The following LYN variants were observed in gnomAD, a reference collection of about 807,000 sequenced individuals.
LYN encodes LYN proto-oncogene, Src family tyrosine kinase.
Under a neutral mutation model 65.0 loss-of-function variants are expected in LYN, and 12 were observed. The ratio of observed to expected loss-of-function variants is 0.18; its 90% CI spans 0.12 to 0.30. The LOEUF (loss-of-function observed/expected upper bound fraction) is 0.30. Ranked by LOEUF, LYN falls within the 10% of genes least tolerant of loss-of-function variation. The probability of loss-of-function intolerance (pLI) is 1.00; values close to 1 mark genes in which losing one functional copy is unlikely to be tolerated. For missense variants in LYN, 380 were observed against 623.2 expected, an observed-to-expected ratio of 0.61 and a Z score of 4.16; for synonymous variants, 222 against 221.2, an observed-to-expected ratio of 1.00 and a Z score of -0.03.
chr8:55,925,645 G>T (rs932216221), intron 1 of LYN, among the ~76,000 whole-genome samples: 2 of 152,078 alleles, frequency 1.3e-5, no homozygotes, highest in Non-Finnish European at 2.9e-5. Flanking sequence ...TTTTTCATGG[G>T]TGAGGAAGCA....
intron 10 of LYN, among the ~76,000 whole-genome samples, chr8:55,978,773 T>C (rs1334244990): frequency 6.6e-6 from 1 of 152,118 alleles, no homozygotes; most frequent in Non-Finnish European, 1.5e-5. Flanking sequence ...CCACGGGACT[T>C]TGCGACAGGG....
intron 10 of LYN, among the ~76,000 whole-genome samples, chr8:55,970,937 G>A (rs1197359402): frequency 6.6e-6 from 1 of 152,222 alleles, no homozygotes; most frequent in Non-Finnish European, 1.5e-5. Flanking sequence ...AGACACAGAT[G>A]TTGTTGTGTC....
intron 1 of LYN, among the ~76,000 whole-genome samples, chr8:55,939,534 G>C (rs538336496): frequency 1.8e-4 from 28 of 151,802 alleles, no homozygotes; most frequent in African/African-American, 2.9e-4. Flanking sequence ...GAACGCAGTG[G>C]GGGGGGGACA....
rs1805695820 is a variant in LYN, at chr8:55,913,357, AAAT to A, written c.-5-28496_-5-28494del. On this transcript the variant is annotated intron_variant, in intron 1 of 12. Transcript: ENST00000519728. ...TACCTATATTGTTTGCTACAAATGC[AAAT>A]ATCCACAGCCTCCTTGTAAAGTCTC... is the stretch of plus-strand genomic sequence containing the variant. Among the ~76,000 whole-genome samples the A allele has an allele frequency of 2.0e-5, 3 of 152,230 alleles. No homozygotes were observed. In the South Asian group the frequency reaches 6.2e-4, roughly 32 times the overall value.
chr8:55,942,460 C>T (rs1425544350), intron 2 of LYN, among the ~76,000 whole-genome samples: 5 of 144,052 alleles, frequency 3.5e-5, no homozygotes, highest in East Asian at 2.0e-4. Flanking sequence ...TATATATATA[C>T]ACACATACAT....
intron 1 of LYN, among the ~76,000 whole-genome samples, chr8:55,933,357 T>C (rs1256746304): frequency 2.0e-5 from 3 of 152,212 alleles, no homozygotes; most frequent in Admixed American, 2.0e-4. Flanking sequence ...ATTTAACCAG[T>C]GACCTATAAT....
At chr8:55,957,190 T>TTA (rs79265928) in intron 8 of LYN, among the ~76,000 whole-genome samples, 49,532 of 151,924 alleles carry the variant, frequency 0.33, 8,441 homozygotes, top group African/African-American at 0.44. Flanking sequence ...AACTCCAATC[T>TTA]TCAGTTGTTC....
chr8:55,903,008 C>G, intron 1 of LYN, among the ~76,000 whole-genome samples: 1 of 152,094 alleles, frequency 6.6e-6, no homozygotes, highest in East Asian at 1.9e-4. Context: ...GCCACCACAC[C>G]CAGCTAATTT....
rs548951262 is a variant in LYN, at chr8:55,951,997, C to T, written c.519C>T (p.Asp173=). 3.1e-6 allele frequency: 5 copies of T among 1,611,470 alleles called. No homozygotes were observed. The highest frequency in any genetic ancestry group is 4.5e-5 in the East Asian group (2 of 44,826). Residue 173 remains aspartate, a synonymous_variant, in exon 7 of 13, where the codon GAC becomes GAT. Transcript: ENST00000519728. ...GSFSLSVRDF[D]PVHGDVIKHY... ...TCTCTCTGTCTGTCAGAGACTTTGACCCTGTGCATGGTGATGTTATTAAGC... is the reference window on the plus strand; with the variant it reads ...TCTCTCTGTCTGTCAGAGACTTTGATCCTGTGCATGGTGATGTTATTAAGC...
intron 1 of LYN, among the ~76,000 whole-genome samples, chr8:55,910,432 A>G (rs1805566290): frequency 6.6e-6 from 1 of 151,976 alleles, no homozygotes; most frequent in African/African-American, 2.4e-5. Context: ...GTTTTTGTTG[A>G]CTTTGTCAAA....
At chr8:55,938,337 G>A (rs769322434) in intron 1 of LYN, among the ~76,000 whole-genome samples, 4 of 152,154 alleles carry the variant, frequency 2.6e-5, no homozygotes, top group Non-Finnish European at 5.9e-5. Flanking sequence ...AATTCTCTAC[G>A]CATAAAATAT....
intron 1 of LYN, among the ~76,000 whole-genome samples, chr8:55,939,589 C>T (rs1350506562): frequency 6.6e-6 from 1 of 152,128 alleles, no homozygotes; most frequent in African/African-American, 2.4e-5. Context: ...AGTCAGGGCT[C>T]GGTCCGTGCT....
Position 56,012,012 on chromosome 8 carries a change from A to T in LYN, c.*1902A>T, listed in dbSNP as rs781062725. 5.3e-6 allele frequency: 1 copy of T among 188,492 alleles called. No homozygotes were observed. 11.7% of individuals were successfully genotyped at this position (188,492 alleles called of 1,614,324 possible). A position where few individuals can be genotyped will look rare whatever the true frequency, so the allele number is the denominator to read the frequency against. ...ATAACAAATTTATTTAAAGAAAATT[A>T]TTAAATTTATCTTCGCCTTGTTTTG... On this transcript the variant is annotated 3_prime_UTR_variant, in exon 13 of 13. Coordinates refer to ENST00000519728, the MANE Select transcript of LYN (RefSeq NM_002350.4).
At chr8:55,942,043 T>C in intron 2 of LYN, 52 bp downstream of exon 2, 2 of 1,591,922 alleles carry the variant, frequency 1.3e-6, no homozygotes, top group Non-Finnish European at 1.7e-6. Context: ...AAAGCATGGC[T>C]ACATAATTTA....
rs777296861 is a variant in LYN at position 56,009,924 on chromosome 8, C to A, written c.1353C>A (p.Asp451Glu). Residue 451 changes from aspartate (D) to glutamate (E), a missense_variant, in exon 13 of 13, where the codon GAC (aspartate) becomes GAA (glutamate). Physicochemically the swap from Asp to Glu is conservative, Grantham distance 45. Transcript: ENST00000519728. ...CCACCCTAGGGAGAACTAATGCCGA[C>A]GTGATGACCGCCCTGTCCCAGGGCT... ...KIPYPGRTNA[D>E]VMTALSQGYR... 2.9e-5 allele frequency: 46 copies of A among 1,613,744 alleles called. No homozygotes were observed. The highest frequency in any genetic ancestry group is 3.9e-5 in the Non-Finnish European group (46 of 1,179,826).
chr8:55,926,671 T>C (rs1161178870), intron 1 of LYN, among the ~76,000 whole-genome samples: 1 of 152,174 alleles, frequency 6.6e-6, no homozygotes, highest in Admixed American at 6.5e-5. Flanking sequence ...GTAAAGACTA[T>C]TGGGTGTTAA....
chr8:55,927,239 C>T (rs561202485), intron 1 of LYN, among the ~76,000 whole-genome samples: 1 of 152,278 alleles, frequency 6.6e-6, no homozygotes, highest in South Asian at 2.1e-4. Context: ...CCATTCTTCA[C>T]ATGTTTATTC....
chr8:55,954,820 G>C (rs1042876373), intron 8 of LYN, among the ~76,000 whole-genome samples: 19 of 148,470 alleles, frequency 1.3e-4, no homozygotes, highest in Admixed American at 2.7e-4. Context: ...GGGTGACACA[G>C]TGAGACCCTG....
chr8:55,950,135 TGG>T, intron 4 of LYN, among the ~76,000 whole-genome samples: 1 of 152,376 alleles, frequency 6.6e-6, no homozygotes, highest in Admixed American at 6.5e-5. Context: ...AATACTCCAC[TGG>T]ATGGATATTC....
Sources: allele counts gnomAD v4.1 joint callset (sites outside exome capture counted in the v4.1 genomes callset), GRCh38; gene constraint gnomAD v4.1.1; transcripts MANE v1.5; gene names NCBI Gene and HGNC (gene_info 2026-07-23, HGNC 2026-07-21).